Variants in LSAMP observed in about 807,000 individuals in gnomAD.
The protein encoded by LSAMP is limbic system-associated membrane protein.
Under a neutral mutation model 38.6 loss-of-function variants are expected in LSAMP, and 7 were observed. The observed-to-expected ratio is 0.18, with a 90% CI of 0.10 to 0.34. The LOEUF (loss-of-function observed/expected upper bound fraction) is 0.34, where lower values mean the gene tolerates loss of function less well. Among genes scored for constraint, LSAMP ranks in the 10% least tolerant of loss-of-function variants. The pLI, the probability that LSAMP is intolerant of heterozygous loss-of-function variation, is 1.00. For synonymous variants in LSAMP, 154 were observed against 166.8 expected (o/e 0.92, Z 0.59); for missense variants, 313 against 420.0 (o/e 0.75, Z 2.23).
chr3:116,344,616 A>G (rs1397556754), intron 1 of LSAMP, among the ~76,000 whole-genome samples: 1 of 152,110 alleles, frequency 6.6e-6, no homozygotes, highest in East Asian at 1.9e-4. Flanking sequence ...ACACGTAAAA[A>G]TCACACCCCA....
At chr3:116,358,990 G>C (rs536151925) in intron 1 of LSAMP, among the ~76,000 whole-genome samples, 1 of 152,092 alleles carries the variant, frequency 6.6e-6, no homozygotes, top group Non-Finnish European at 1.5e-5. Context: ...TCTTCACCAC[G>C]TATAAAATCT....
At chr3:116,329,049 G>T (rs943989713) in intron 1 of LSAMP, among the ~76,000 whole-genome samples, 1 of 152,080 alleles carries the variant, frequency 6.6e-6, no homozygotes, top group African/African-American at 2.4e-5. Context: ...CAGGGTAAGA[G>T]ACTTTTGGTT....
chr3:116,167,269 C>T (rs995175395), intron 1 of LSAMP, among the ~76,000 whole-genome samples: 1 of 152,132 alleles, frequency 6.6e-6, no homozygotes, highest in African/African-American at 2.4e-5. Context: ...AGCTAGAGTC[C>T]CCAAAGTCCA....
At chr3:116,313,079 C>T (rs1241129628) in intron 1 of LSAMP, among the ~76,000 whole-genome samples, 1 of 152,120 alleles carries the variant, frequency 6.6e-6, no homozygotes, top group Admixed American at 6.5e-5. Flanking sequence ...CACAAAAACA[C>T]CTTTATGAAT....
At chr3:116,236,211 T>C (rs1211348086) in intron 1 of LSAMP, among the ~76,000 whole-genome samples, 1 of 152,122 alleles carries the variant, frequency 6.6e-6, no homozygotes, top group Non-Finnish European at 1.5e-5. Flanking sequence ...ATGATTTGCT[T>C]AGAATTTGAT....
chr3:116,260,777 T>C (rs2046815580), intron 1 of LSAMP, among the ~76,000 whole-genome samples: 1 of 152,166 alleles, frequency 6.6e-6, no homozygotes, highest in African/African-American at 2.4e-5. Context: ...CCAATTAGTG[T>C]GTATCTATGC....
At chr3:116,142,472 G>T (rs1576389933) in intron 1 of LSAMP, among the ~76,000 whole-genome samples, 1 of 152,104 alleles carries the variant, frequency 6.6e-6, no homozygotes, top group East Asian at 1.9e-4. Flanking sequence ...GAGTTAAGAA[G>T]GTTATAATCT....
chr3:116,085,722 C>G (rs1295486818), intron 2 of LSAMP, among the ~76,000 whole-genome samples: 1 of 152,096 alleles, frequency 6.6e-6, no homozygotes, highest in Non-Finnish European at 1.5e-5. Context: ...CCTTAGATCC[C>G]CCAATCTAGA....
intron 1 of LSAMP, among the ~76,000 whole-genome samples, chr3:116,208,507 C>T (rs2046102303): frequency 6.6e-6 from 1 of 152,198 alleles, no homozygotes; most frequent in Non-Finnish European, 1.5e-5. Flanking sequence ...TTTTTCTGTT[C>T]TGTTTTTTCC....
Position 115,930,002 on chromosome 3 carries a change from G to GTTTTTTTTTTTTTTTTTTTT in LSAMP, c.515-77405_515-77386dup, listed in dbSNP as rs1170325465. ...ATCCAGATCTATAAATTTAGCAGAA[G>GTTTTTTTTTTTTTTTTTTTT]TTTTTTTTTTTTTTTTTTTTTTTTG... On this transcript the variant is annotated intron_variant, in intron 3 of 6. Coordinates refer to ENST00000490035, the MANE Select transcript of LSAMP (RefSeq NM_002338.5). Among the ~76,000 whole-genome samples, 2 of 80,292 alleles carry GTTTTTTTTTTTTTTTTTTTT rather than the reference G, an allele frequency of 2.5e-5. 1 individual carries two copies. Among genetic ancestry groups the GTTTTTTTTTTTTTTTTTTTT allele is most frequent in the African/African-American group, 9.5e-5 (2 of 21,032 alleles). 52.7% of individuals were successfully genotyped at this position (80,292 alleles called of 152,430 possible). A position where few individuals can be genotyped will look rare whatever the true frequency, so the allele number is the denominator to read the frequency against.
chr3:115,910,136 A>G (rs1937102470), intron 3 of LSAMP, among the ~76,000 whole-genome samples: 1 of 152,198 alleles, frequency 6.6e-6, no homozygotes, highest in Non-Finnish European at 1.5e-5. Context: ...TGGAAGCAGA[A>G]TATCAGAAAA....
At chr3:115,907,317 G>A (rs1236092501) in intron 3 of LSAMP, among the ~76,000 whole-genome samples, 3 of 152,112 alleles carry the variant, frequency 2.0e-5, no homozygotes, top group African/African-American at 7.2e-5. Context: ...AGCCCTCTGG[G>A]AGGTGATTAG....
At chr3:116,433,760 C>G (rs1456691626) in intron 1 of LSAMP, among the ~76,000 whole-genome samples, 1 of 152,070 alleles carries the variant, frequency 6.6e-6, no homozygotes, top group Non-Finnish European at 1.5e-5. Context: ...ACAGTCACCC[C>G]TAGAGGGAGA....
intron 3 of LSAMP, among the ~76,000 whole-genome samples, chr3:115,988,663 G>T (rs1426006327): frequency 1.3e-5 from 2 of 152,036 alleles, no homozygotes; most frequent in African/African-American, 4.8e-5. Context: ...GACTAATGTT[G>T]AAAATTAGCG....
intron 6 of LSAMP, chr3:115,834,565 G>A: frequency 7.8e-7 from 1 of 1,282,822 alleles, no homozygotes; most frequent in Middle Eastern, 2.1e-4. Flanking sequence ...TACTGACCTT[G>A]AATGGGGTGG....
chr3:116,380,412 T>C (rs2048543852), intron 1 of LSAMP, among the ~76,000 whole-genome samples: 1 of 151,992 alleles, frequency 6.6e-6, no homozygotes, highest in African/African-American at 2.4e-5. Flanking sequence ...TGTCCTATAT[T>C]TCCTTTATCT....
chr3:115,879,324 A>G (rs111754821), intron 3 of LSAMP, among the ~76,000 whole-genome samples: 117 of 152,298 alleles, frequency 7.7e-4, no homozygotes, highest in African/African-American at 2.8e-3. Context: ...GACTTGGAAT[A>G]TCATAAATAC....
chr3:115,994,471 T>A (rs1559912246), intron 3 of LSAMP, among the ~76,000 whole-genome samples: 1 of 152,084 alleles, frequency 6.6e-6, no homozygotes, highest in African/African-American at 2.4e-5. Flanking sequence ...AAAGTCATGA[T>A]CTTTGTGATC....
chr3:115,972,639 A>ATTTAATTAAATTAACCCTTCATT, intron 3 of LSAMP, among the ~76,000 whole-genome samples: 1 of 151,512 alleles, frequency 6.6e-6, no homozygotes, highest in Non-Finnish European at 1.5e-5. Flanking sequence ...ATTAAGGGGT[A>ATTTAATTAAATTAACCCTTCATT]AAGATAAAAT....
Sources: allele counts gnomAD v4.1 joint callset (sites outside exome capture counted in the v4.1 genomes callset), GRCh38; gene constraint gnomAD v4.1.1; transcripts MANE v1.5; gene names NCBI Gene and HGNC (gene_info 2026-07-23, HGNC 2026-07-21).